ZNF469: variants seen among roughly 807,000 people sequenced by gnomAD.
ZNF469 encodes zinc finger protein 469.
A neutral mutation model predicts 1.0 loss-of-function variants in ZNF469; 1 was observed. That is an observed-to-expected ratio of 1.00 (90% CI 0.35 to 4.73). The LOEUF (loss-of-function observed/expected upper bound fraction) is 4.73, where lower values mean the gene tolerates loss of function less well. Among genes scored for constraint, ZNF469 ranks in the 30% most tolerant of loss-of-function variants. The pLI, the probability that ZNF469 is intolerant of heterozygous loss-of-function variation, is 0.16. For missense variants in ZNF469, 6,100 were observed against 5,356.3 expected (o/e 1.14, Z -4.33); for synonymous variants, 2,703 against 2,363.4 (o/e 1.14, Z -4.17).
the ZNF469 span, among the ~76,000 whole-genome samples, chr16:88,102,143 C>T: frequency 1.4e-5 from 2 of 147,654 alleles, no homozygotes; most frequent in Non-Finnish European, 3.0e-5. Flanking sequence ...TTCCCATGTG[C>T]TGGTGATTTA....
At chr16:88,243,745 G>C in the ZNF469 span, among the ~76,000 whole-genome samples, 1 of 148,016 alleles carries the variant, frequency 6.8e-6, no homozygotes, top group African/African-American at 2.6e-5. Flanking sequence ...ATGGGTGGAT[G>C]GAAGGGTGGA....
chr16:88,265,938 G>C, the ZNF469 span, among the ~76,000 whole-genome samples: 2 of 152,234 alleles, frequency 1.3e-5, no homozygotes, highest in Admixed American at 6.5e-5. Flanking sequence ...TGGGGACAGA[G>C]GCCCAGAGGG....
chr16:88,311,754 G>T, the ZNF469 span, among the ~76,000 whole-genome samples: 82 of 152,308 alleles, frequency 5.4e-4, no homozygotes, highest in African/African-American at 1.9e-3. Context: ...CCAGGTTTTT[G>T]TGTCTTAAAC....
At chr16:88,391,247 G>T (rs1014734417) in intron 1 of ZNF469, among the ~76,000 whole-genome samples, 4 of 152,240 alleles carry the variant, frequency 2.6e-5, no homozygotes, top group African/African-American at 9.6e-5. Context: ...GCAGGGTCTG[G>T]GTGCCAGCAC....
chr16:88,403,037 A>G (rs1904928367), intron 1 of ZNF469, among the ~76,000 whole-genome samples: 1 of 152,226 alleles, frequency 6.6e-6, no homozygotes, highest in South Asian at 2.1e-4. Flanking sequence ...CGTGGGAGAC[A>G]TGGTGCATCC....
intron 1 of ZNF469, among the ~76,000 whole-genome samples, chr16:88,409,891 GCGTTCCAGGGCTCT>G (rs1905103822): frequency 7.2e-6 from 1 of 139,722 alleles, no homozygotes; most frequent in African/African-American, 2.8e-5. Context: ...GGGGCGCGGG[GCGTTCCAGGGCTCT>G]GGGTGGGGCG....
the ZNF469 span, among the ~76,000 whole-genome samples, chr16:88,105,992 G>T: frequency 2.0e-5 from 3 of 152,350 alleles, no homozygotes; most frequent in Non-Finnish European, 4.4e-5. Flanking sequence ...TCTTGGCACG[G>T]GCCCAGTAAG....
At chr16:88,261,999 C>T in the ZNF469 span, among the ~76,000 whole-genome samples, 1 of 152,224 alleles carries the variant, frequency 6.6e-6, no homozygotes, top group African/African-American at 2.4e-5. This position sits in a 1 kb window ranked among gnomAD's most constrained non-coding sequence, Gnocchi z 6.0. Context: ...CTCCCTCCCA[C>T]CATCTGTGCA....
chr16:88,110,906 C>G, the ZNF469 span, among the ~76,000 whole-genome samples: 1 of 152,262 alleles, frequency 6.6e-6, no homozygotes, highest in South Asian at 2.1e-4. Context: ...TCGGGACAGG[C>G]ACTGGGAAAC....
the ZNF469 span, among the ~76,000 whole-genome samples, chr16:88,375,444 G>C: frequency 2.2e-4 from 33 of 152,340 alleles, no homozygotes; most frequent in South Asian, 4.8e-3. Context: ...TGAGTTACCA[G>C]AACGAAATAC....
chr16:88,438,592 C>T lies in ZNF469; in HGVS notation c.11122C>T (p.Pro3708Ser). ...HPRKAVGSLA[P>S]GELARGTENG... ...AAGGAAGGCGGTGGGGAGCCTGGCACCCGGGGAGCTGGCCCGTGGCACAGA... is the reference window on the plus strand; with the variant it reads ...AAGGAAGGCGGTGGGGAGCCTGGCATCCGGGGAGCTGGCCCGTGGCACAGA... The change falls in exon 3 of 3, where the codon CCC becomes TCC. Residue 3708 changes from proline to serine, a missense_variant. Pro to Ser is a moderately conservative substitution (Grantham distance 74, BLOSUM62 -1). Transcript: ENST00000565624. The T allele has an allele frequency of 6.5e-7, 1 of 1,550,066 alleles. No individual in the cohort carries two copies. Among genetic ancestry groups the T allele is most frequent in the Non-Finnish European group, 8.7e-7 (1 of 1,146,910 alleles).
upstream of ZNF469, among the ~76,000 whole-genome samples, chr16:88,381,702 T>C (rs2092525837): frequency 6.6e-6 from 1 of 152,262 alleles, no homozygotes; most frequent in Admixed American, 6.5e-5. Context: ...TCTGGGGCCT[T>C]TCAGCCCCTG....
chr16:88,439,515 C>T lies in ZNF469; in HGVS notation c.*183C>T, dbSNP rs922533081. On this transcript the variant is annotated 3_prime_UTR_variant, in exon 3 of 3. Transcript: ENST00000565624. ...GAACAGGGCCCAGGTGGGCAGCATT[C>T]CCTTTCTTGCTGGAAGGCTGGGGGT... 1.5e-5 allele frequency: 10 copies of T among 683,654 alleles called. No individual in the cohort carries two copies. The East Asian group carries it at 2.7e-4, about 19-fold the overall frequency. 42.3% of individuals were successfully genotyped at this position (683,654 alleles called of 1,614,324 possible).
At chr16:88,347,638 T>A in the ZNF469 span, among the ~76,000 whole-genome samples, 1 of 152,262 alleles carries the variant, frequency 6.6e-6, no homozygotes, top group Middle Eastern at 3.4e-3. Flanking sequence ...CTGCCCCACA[T>A]CCACCCCGAT....
the ZNF469 span, among the ~76,000 whole-genome samples, chr16:88,128,212 G>A: frequency 1.3e-5 from 2 of 152,046 alleles, no homozygotes; most frequent in Non-Finnish European, 2.9e-5. Flanking sequence ...GAGGCCAAGG[G>A]TTGAGCCCCT....
At chr16:88,296,635 T>C in the ZNF469 span, among the ~76,000 whole-genome samples, 1 of 150,930 alleles carries the variant, frequency 6.6e-6, no homozygotes, top group Non-Finnish European at 1.5e-5. Flanking sequence ...CACACTCACA[T>C]ACGCATACAC....
chr16:88,293,664 T>C, the ZNF469 span, among the ~76,000 whole-genome samples: 5 of 152,158 alleles, frequency 3.3e-5, no homozygotes, highest in African/African-American at 7.2e-5. Context: ...CAAAGCTTCA[T>C]TGGGGGGTGT....
intron 1 of ZNF469, among the ~76,000 whole-genome samples, chr16:88,418,234 C>T (rs528776556): frequency 6.6e-6 from 1 of 152,304 alleles, no homozygotes; most frequent in Non-Finnish European, 1.5e-5. Flanking sequence ...ATCTACAGAG[C>T]CGGGACCAAC....
the ZNF469 span, among the ~76,000 whole-genome samples, chr16:88,173,917 G>GA: frequency 6.6e-6 from 1 of 151,860 alleles, no homozygotes; most frequent in Non-Finnish European, 1.5e-5. Context: ...AAGAAGGCAT[G>GA]AAAAAAGGAA....
Sources: allele counts gnomAD v4.1 joint callset (sites outside exome capture counted in the v4.1 genomes callset), GRCh38; gene constraint gnomAD v4.1.1; non-coding constraint Gnocchi (gnomAD v3.1); transcripts MANE v1.5; gene names NCBI Gene and HGNC (gene_info 2026-07-23, HGNC 2026-07-21).